AARS1: variants seen among roughly 807,000 people sequenced by gnomAD.
AARS1 encodes alanyl-tRNA synthetase 1.
AARS1 carries 72 observed loss-of-function variants against 108.9 expected under a neutral mutation model. The ratio of observed to expected loss-of-function variants is 0.66; its 90% CI spans 0.55 to 0.80. The LOEUF is 0.80. AARS1 is among the 30% of genes least tolerant of loss of function. The pLI, the probability that AARS1 is intolerant of heterozygous loss-of-function variation, is 0.00. For synonymous variants in AARS1, 489 were observed against 465.7 expected, an observed-to-expected ratio of 1.05 and a Z score of -0.64; for missense variants, 1,193 against 1,233.2, an observed-to-expected ratio of 0.97 and a Z score of 0.49.
intron 1 of AARS1, among the ~76,000 whole-genome samples, chr16:70,284,890 T>C (rs1364758597): frequency 6.6e-6 from 1 of 152,182 alleles, no homozygotes; most frequent in Non-Finnish European, 1.5e-5. Flanking sequence ...AACTGAGGTG[T>C]TGTGAGGATC....
chr16:70,265,278 G>A (rs1399138626), intron 10 of AARS1, 176 bp from the exon 11 acceptor site: 2 of 978,980 alleles, frequency 2.0e-6, no homozygotes, highest in Non-Finnish European at 1.6e-6. Flanking sequence ...CTCTTGCAGT[G>A]TGGGATGCTG....
At chr16:70,258,806 C>T (rs552142283) in intron 14 of AARS1, among the ~76,000 whole-genome samples, 174 bp downstream of exon 14, 8 of 152,302 alleles carry the variant, frequency 5.3e-5, no homozygotes, top group African/African-American at 1.7e-4. Flanking sequence ...CCGCCCGCCT[C>T]GGCCTCCCAA....
chr16:70,258,856 G>A, intron 14 of AARS1, 124 bp downstream of exon 14: 6 of 1,208,842 alleles, frequency 5.0e-6, no homozygotes, highest in Non-Finnish European at 7.3e-6. Context: ...TGCCCAGCCT[G>A]CTTTAAGCAA....
At chr16:70,272,271 G>A (rs554734094) in intron 4 of AARS1, among the ~76,000 whole-genome samples, 2 of 152,080 alleles carry the variant, frequency 1.3e-5, no homozygotes, top group South Asian at 4.1e-4. Flanking sequence ...TTGGGAGGCC[G>A]AGGCGGGCGG....
intron 1 of AARS1, among the ~76,000 whole-genome samples, chr16:70,288,319 C>G (rs1960915348): frequency 6.7e-6 from 1 of 150,242 alleles, no homozygotes; most frequent in African/African-American, 2.5e-5. Flanking sequence ...CCGTGTTAGC[C>G]AGGATGGTCT....
intron 10 of AARS1, 139 bp downstream of exon 10, chr16:70,265,399 G>A (rs569829600): frequency 1.3e-5 from 18 of 1,334,910 alleles, no homozygotes; most frequent in Middle Eastern, 5.1e-4. Flanking sequence ...AGGCAGACTC[G>A]CCCCCACTTG....
At chr16:70,279,821 G>A (rs955817190) in intron 2 of AARS1, among the ~76,000 whole-genome samples, 1 of 152,072 alleles carries the variant, frequency 6.6e-6, no homozygotes, top group African/African-American at 2.4e-5. Flanking sequence ...CCCGTTGAAT[G>A]AGACCACCTA....
intron 12 of AARS1, 86 bp from the exon 13 acceptor site, chr16:70,261,243 T>C (rs1286501665): frequency 3.2e-6 from 3 of 940,512 alleles, no homozygotes; most frequent in Non-Finnish European, 5.0e-6. Flanking sequence ...CTCGTGTATA[T>C]AACTTCTCTT....
Position 70,277,215 on chromosome 16 carries a change from C to A in AARS1, c.145-61G>T, listed in dbSNP as rs182938292. 231 of 1,522,764 alleles carry A rather than the reference C, an allele frequency of 1.5e-4. 2 individuals are homozygous for A. The East Asian group carries it at 4.5e-3, about 30-fold the overall frequency. The allele number at this position is 1,522,764 out of a possible 1,614,324, so 94.3% of individuals were successfully genotyped here. A position where few individuals can be genotyped will look rare whatever the true frequency, so the allele number is the denominator to read the frequency against. On this transcript the variant is annotated intron_variant, in intron 2 of 20. Transcript: ENST00000261772. ...GTGCAAGTGATGTCAGGTGGCCACACACTAGCAGGAAGAGACGACCACACA... is the reference window on the plus strand; with the variant it reads ...GTGCAAGTGATGTCAGGTGGCCACAAACTAGCAGGAAGAGACGACCACACA...
intron 1 of AARS1, 61 bp downstream of exon 1, chr16:70,289,360 C>A (rs866635402): frequency 1.4e-5 from 5 of 355,826 alleles, no homozygotes; most frequent in Non-Finnish European, 2.2e-5. Context: ...CGGAGCTTTC[C>A]CCCCAGTCTG....
intron 9 of AARS1, among the ~76,000 whole-genome samples, chr16:70,266,756 A>C (rs544355099): frequency 4.6e-5 from 7 of 151,686 alleles, no homozygotes; most frequent in African/African-American, 1.7e-4. Context: ...TCCTGACCTC[A>C]GGTGATCTGC....
At chr16:70,262,697 C>T (rs370177723) in intron 11 of AARS1, among the ~76,000 whole-genome samples, 173 bp from the exon 12 acceptor site, 1 of 151,752 alleles carries the variant, frequency 6.6e-6, no homozygotes, top group Admixed American at 6.6e-5. Flanking sequence ...CGGCCGGGCG[C>T]GGTGGCTCCC....
intron 9 of AARS1, 102 bp from the exon 10 acceptor site, chr16:70,265,764 C>T: frequency 6.8e-7 from 1 of 1,476,116 alleles, no homozygotes; most frequent in Non-Finnish European, 9.3e-7. Flanking sequence ...ATTAAAGACA[C>T]AAGGCTATCA....
Position 70,259,060 on chromosome 16 carries a change from A to C in AARS1, c.1912T>G (p.Phe638Val). The change falls in exon 14 of 21, where the codon TTT (phenylalanine) becomes GTT (valine). Residue 638 changes from phenylalanine to valine, a missense_variant. Physicochemically the swap from Phe to Val is conservative, Grantham distance 50. Coordinates refer to ENST00000261772, the MANE Select transcript of AARS1 (RefSeq NM_001605.3). ...GTGGACATGGCTCCCTTGGCAGTAA[A>C]GTCAAATCTGAGGCGGTCAGGAGCA... is the stretch of plus-strand genomic sequence containing the variant. The part of the protein sequence containing the change: ...LVAPDRLRFD[F>V]TAKGAMSTQQ... 2 of 1,614,136 alleles carry C rather than the reference A, an allele frequency of 1.2e-6. No homozygotes were observed. Among genetic ancestry groups the C allele is most frequent in the Non-Finnish European group, 1.7e-6 (2 of 1,180,032 alleles).
chr16:70,278,587 A>G (rs1309983339), intron 2 of AARS1, among the ~76,000 whole-genome samples: 3 of 151,548 alleles, frequency 2.0e-5, no homozygotes, highest in Non-Finnish European at 4.4e-5. Context: ...AAAGCAAGAG[A>G]GAAAGAAAAA....
intron 1 of AARS1, among the ~76,000 whole-genome samples, chr16:70,286,362 ATT>A (rs1000406265): frequency 5.8e-4 from 68 of 117,076 alleles, no homozygotes; most frequent in Admixed American, 8.1e-4. Flanking sequence ...CTCCACAGGA[ATT>A]TTTTTTTTTT....
rs1252533701 is a variant in AARS1 at position 70,271,835 on chromosome 16, T to G, written c.617A>C (p.Gln206Pro). 6.2e-7 allele frequency: 1 copy of G among 1,614,054 alleles called. No homozygotes were observed. Among genetic ancestry groups the G allele is most frequent in the Non-Finnish European group, 8.5e-7 (1 of 1,180,050 alleles). ...GGRDAAHLVN[Q>P]DDPNVLEIWN... ...GATCTCCAGCACATTAGGGTCGTCC[T>G]GGTTGACAAGATGTGCGGCGTCCCG... Residue 206 changes from glutamine (Q) to proline (P), a missense_variant, in exon 5 of 21, where the codon CAG (glutamine) becomes CCG (proline). By Grantham distance (76) the Gln-to-Pro change is moderately conservative. Transcript: ENST00000261772.
At position 70,252,389 on chromosome 16, in the gene AARS1, G is replaced by A. The variant is rs76884167; in HGVS notation, c.*332C>T. 4.9e-4 allele frequency: 210 copies of A among 425,418 alleles called. 1 individual carries two copies. Among genetic ancestry groups the A allele is most frequent in the African/African-American group, 3.8e-3 (189 of 49,932 alleles). 26.4% of individuals were successfully genotyped at this position (425,418 alleles called of 1,614,324 possible). On this transcript the variant is annotated 3_prime_UTR_variant, in exon 21 of 21. Coordinates refer to ENST00000261772, the MANE Select transcript of AARS1 (RefSeq NM_001605.3). Reference sequence around the variant, plus strand: ...AGGGATAGAGATCATGCGGCATTAAGTATTGCACGTGGTCCTTTTATTCTC... The same window carrying A: ...AGGGATAGAGATCATGCGGCATTAAATATTGCACGTGGTCCTTTTATTCTC...
chr16:70,259,255 C>A, intron 13 of AARS1, 69 bp from the exon 14 acceptor site: 1 of 1,476,462 alleles, frequency 6.8e-7, no homozygotes, highest in Non-Finnish European at 9.5e-7. Flanking sequence ...GTTATCTGCT[C>A]CCCCGAGTGC....
Sources: gnomAD v4.1 joint callset for allele counts (sites outside exome capture counted in the v4.1 genomes callset) on GRCh38, gnomAD v4.1.1 for gene constraint, MANE v1.5 for transcripts, NCBI Gene and HGNC (gene_info 2026-07-23, HGNC 2026-07-21) for gene names.